Variants in PIGL observed in about 807,000 individuals in gnomAD.
The protein encoded by PIGL is N-acetylglucosaminyl-phosphatidylinositol de-N-acetylase.
A neutral mutation model predicts 31.1 loss-of-function variants in PIGL; 22 were observed. The ratio of observed to expected loss-of-function variants is 0.71; its 90% CI spans 0.51 to 1.01. The LOEUF is 1.01. Among genes scored for constraint, PIGL ranks in the 50% least tolerant of loss-of-function variants. PIGL has a pLI of 0.00. For missense variants in PIGL, 302 were observed against 315.9 expected (o/e 0.96, Z 0.33); for synonymous variants, 131 against 117.4 (o/e 1.12, Z -0.75).
chr17:16,326,102 A>G lies in PIGL; in HGVS notation c.*204A>G. The G allele has an allele frequency of 5.4e-6, 3 of 560,422 alleles. No individual in the cohort carries two copies. Among genetic ancestry groups the G allele is most frequent in the Non-Finnish European group, 9.5e-6 (3 of 316,910 alleles). 34.7% of individuals were successfully genotyped at this position (560,422 alleles called of 1,614,324 possible). On this transcript the variant is annotated 3_prime_UTR_variant, in exon 7 of 7. Coordinates refer to ENST00000225609, the MANE Select transcript of PIGL (RefSeq NM_004278.4). ...GAAAAAACCCAAAGAACCAAAAACA[A>G]ACCACCCCAAGGATAATAATAGCTA...
intron 1 of PIGL, among the ~76,000 whole-genome samples, chr17:16,223,723 GAAAA>G (rs75822181): frequency 7.5e-6 from 1 of 132,616 alleles, no homozygotes; most frequent in African/African-American, 2.8e-5. Flanking sequence ...ATTTAAAAAA[GAAAA>G]AAAAAAAAGA....
chr17:16,285,998 T>C (rs1232653547), intron 2 of PIGL, among the ~76,000 whole-genome samples: 2 of 152,196 alleles, frequency 1.3e-5, no homozygotes, highest in Non-Finnish European at 2.9e-5. Flanking sequence ...GGGGGCGATA[T>C]TGGCAGTCCC....
intron 6 of PIGL, among the ~76,000 whole-genome samples, chr17:16,320,935 ATT>A (rs34777606): frequency 1.6e-4 from 14 of 89,996 alleles, no homozygotes; most frequent in African/African-American, 5.8e-4. Context: ...GTGCCTGGCC[ATT>A]TTTTTTTTTT....
rs559668121 is a variant in PIGL, at chr17:16,277,553, C to A, written c.336-22335C>A. 3.3e-5 allele frequency among the ~76,000 whole-genome samples: 5 copies of A among 152,358 alleles called. No individual in the cohort carries two copies. In the East Asian group the frequency reaches 9.6e-4, roughly 29 times the overall value. On this transcript the variant is annotated intron_variant, in intron 2 of 6. Transcript: ENST00000225609. ...TGCTTCAGTCTTCTGTTAGGTCAAT[C>A]CATGCAGTTAACTCCTGTTTTGCTT...
chr17:16,275,876 T>A (rs1468361133), intron 2 of PIGL, among the ~76,000 whole-genome samples: 1 of 152,004 alleles, frequency 6.6e-6, no homozygotes, highest in African/African-American at 2.4e-5. Context: ...ATATAAAAAT[T>A]AGCCAGGTGT....
chr17:16,303,930 G>A (rs2093016019), intron 3 of PIGL, among the ~76,000 whole-genome samples: 1 of 152,042 alleles, frequency 6.6e-6, no homozygotes, highest in Non-Finnish European at 1.5e-5. Flanking sequence ...TAGCCAGGAT[G>A]GTCTCGATCT....
At chr17:16,306,359 G>T (rs2093026115) in intron 3 of PIGL, among the ~76,000 whole-genome samples, 3 of 152,022 alleles carry the variant, frequency 2.0e-5, no homozygotes, top group African/African-American at 7.3e-5. Flanking sequence ...ATTCCATGTT[G>T]AAATAACTTC....
chr17:16,310,682 GCC>G (rs2093045481), intron 3 of PIGL, among the ~76,000 whole-genome samples: 4 of 152,082 alleles, frequency 2.6e-5, no homozygotes, highest in African/African-American at 9.7e-5. Flanking sequence ...GATTACAGGT[GCC>G]CACCACCACG....
At chr17:16,317,116 C>G in intron 5 of PIGL, 16 of 1,033,528 alleles carry the variant, frequency 1.5e-5, no homozygotes, top group Non-Finnish European at 1.9e-5. Flanking sequence ...AAGTATTTGA[C>G]CCTACCTGAC....
intron 2 of PIGL, among the ~76,000 whole-genome samples, chr17:16,244,771 C>T (rs1454648419): frequency 6.6e-6 from 1 of 151,924 alleles, no homozygotes; most frequent in Admixed American, 6.6e-5. Flanking sequence ...ACCTCCCGGG[C>T]TCAAGTGACC....
chr17:16,296,004 T>C (rs74852704), intron 2 of PIGL, among the ~76,000 whole-genome samples: 7,380 of 152,154 alleles, frequency 0.049, 219 homozygotes, highest in African/African-American at 0.09. Context: ...GTGAGTAGAT[T>C]AGACTAGTGA....
intron 4 of PIGL, 94 bp downstream of exon 4, chr17:16,313,708 T>G: frequency 9.8e-7 from 1 of 1,021,880 alleles, no homozygotes; most frequent in Non-Finnish European, 1.5e-6. Flanking sequence ...ACTTGTTATC[T>G]GAGCCCATGA....
At chr17:16,235,782 A>G (rs1439255214) in intron 2 of PIGL, among the ~76,000 whole-genome samples, 2 of 147,360 alleles carry the variant, frequency 1.4e-5, no homozygotes, top group African/African-American at 5.0e-5. Flanking sequence ...GCACACGGCA[A>G]ATCAGATTTG....
At chr17:16,309,911 C>G (rs929320648) in intron 3 of PIGL, among the ~76,000 whole-genome samples, 16 of 151,882 alleles carry the variant, frequency 1.1e-4, no homozygotes, top group African/African-American at 3.9e-4. Flanking sequence ...AACCCTGTCT[C>G]TACTGAAAAT....
At chr17:16,231,931 T>C (rs2092681183) in intron 1 of PIGL, among the ~76,000 whole-genome samples, 2 of 152,170 alleles carry the variant, frequency 1.3e-5, no homozygotes, top group African/African-American at 2.4e-5. Context: ...GACTAATGTG[T>C]ACATTAAAAA....
rs148499674 is a variant in PIGL at position 16,219,262 on chromosome 17, G to C, written c.235+1801G>C. On this transcript the variant is annotated intron_variant, in intron 1 of 6. Coordinates refer to ENST00000225609, the MANE Select transcript of PIGL (RefSeq NM_004278.4). ...TTTTTAGTAGAGACGGGGTTTCACT[G>C]TGTTAGCCAGGATGGTCTTGATCTC... Among the ~76,000 whole-genome samples, 108 of 151,634 alleles carry C rather than the reference G, an allele frequency of 7.1e-4. 2 individuals carry two copies. In the East Asian group the frequency reaches 0.02, roughly 28 times the overall value.
chr17:16,314,488 CATT>C (rs1568843505), intron 4 of PIGL, among the ~76,000 whole-genome samples: 1 of 152,212 alleles, frequency 6.6e-6, no homozygotes, highest in East Asian at 1.9e-4. Context: ...GTTCTCCATT[CATT>C]ATTCTGTCAG....
intron 2 of PIGL, among the ~76,000 whole-genome samples, chr17:16,244,055 A>G (rs2092734392): frequency 6.6e-6 from 1 of 152,228 alleles, no homozygotes; most frequent in African/African-American, 2.4e-5. Flanking sequence ...CTACAAGATC[A>G]GATGAGCCAG....
intron 2 of PIGL, among the ~76,000 whole-genome samples, chr17:16,283,140 T>C (rs1175568878): frequency 6.6e-6 from 1 of 152,042 alleles, no homozygotes; most frequent in Admixed American, 6.6e-5. Flanking sequence ...GTAGCTGGGA[T>C]TACAGTCACA....
Sources: allele counts gnomAD v4.1 joint callset (sites outside exome capture counted in the v4.1 genomes callset), GRCh38; gene constraint gnomAD v4.1.1; transcripts MANE v1.5; gene names NCBI Gene and HGNC (gene_info 2026-07-23, HGNC 2026-07-21).